MAD1L1: variants seen among roughly 807,000 people sequenced by gnomAD.
The protein encoded by MAD1L1 is mitotic spindle assembly checkpoint protein MAD1.
A neutral mutation model predicts 96.9 loss-of-function variants in MAD1L1; 95 were observed. The ratio of observed to expected loss-of-function variants is 0.98; its 90% CI spans 0.83 to 1.16. The LOEUF is 1.16. Ranked by LOEUF, MAD1L1 falls within the 50% of genes most tolerant of loss-of-function variation. The probability of loss-of-function intolerance (pLI) is 0.00; values close to 1 mark genes in which losing one functional copy is unlikely to be tolerated. For missense variants in MAD1L1, 1,007 were observed against 954.4 expected, an observed-to-expected ratio of 1.06 and a Z score of -0.73; for synonymous variants, 473 against 396.6, an observed-to-expected ratio of 1.19 and a Z score of -2.29.
intron 10 of MAD1L1, among the ~76,000 whole-genome samples, chr7:2,202,936 A>G (rs960381173): frequency 6.6e-6 from 1 of 152,224 alleles, no homozygotes; most frequent in African/African-American, 2.4e-5. Flanking sequence ...TGTCCAGGTC[A>G]GCACTGACAG....
At chr7:2,212,488 C>A (rs958146686) in intron 10 of MAD1L1, among the ~76,000 whole-genome samples, 38 of 152,198 alleles carry the variant, frequency 2.5e-4, no homozygotes, top group Non-Finnish European at 1.0e-4. Flanking sequence ...GGATCCCTCA[C>A]AGCTTGGGTC....
chr7:1,997,028 C>T (rs916429594), intron 14 of MAD1L1, among the ~76,000 whole-genome samples: 10 of 152,246 alleles, frequency 6.6e-5, no homozygotes, highest in Non-Finnish European at 1.2e-4. Flanking sequence ...GCTAATGATA[C>T]GACGATGGCC....
At chr7:2,202,416 A>G (rs1792361774) in intron 10 of MAD1L1, among the ~76,000 whole-genome samples, 2 of 152,208 alleles carry the variant, frequency 1.3e-5, no homozygotes, top group African/African-American at 4.8e-5. Context: ...CTCCAGCTCC[A>G]GGGTCCTGGG....
At chr7:1,920,136 T>C (rs1788685634) in intron 17 of MAD1L1, among the ~76,000 whole-genome samples, 1 of 152,090 alleles carries the variant, frequency 6.6e-6, no homozygotes, top group African/African-American at 2.4e-5. Flanking sequence ...CCTTCCCCAG[T>C]ACATGAGTGC....
intron 14 of MAD1L1, among the ~76,000 whole-genome samples, chr7:1,983,135 C>G (rs972530574): frequency 7.7e-6 from 1 of 130,152 alleles, no homozygotes; most frequent in Non-Finnish European, 1.7e-5. Flanking sequence ...CCCACAGACG[C>G]GCGCGCGCGC....
chr7:1,857,650 C>T (rs1287171011), intron 18 of MAD1L1, among the ~76,000 whole-genome samples: 4 of 152,236 alleles, frequency 2.6e-5, no homozygotes, highest in Admixed American at 2.0e-4. Context: ...AAGGGCTGGG[C>T]CAGCTGGACA....
intron 18 of MAD1L1, among the ~76,000 whole-genome samples, chr7:1,851,563 G>C (rs983371259): frequency 6.6e-6 from 1 of 152,138 alleles, no homozygotes; most frequent in Non-Finnish European, 1.5e-5. Flanking sequence ...GAAAACTCGA[G>C]GAATGCACGA....
chr7:2,009,733 C>A (rs1400893042), intron 13 of MAD1L1, among the ~76,000 whole-genome samples: 4 of 152,212 alleles, frequency 2.6e-5, no homozygotes, highest in Admixed American at 1.3e-4. Flanking sequence ...GACGCCCAGG[C>A]CCTGGGGGAT....
intron 11 of MAD1L1, among the ~76,000 whole-genome samples, chr7:2,135,285 G>A (rs73039214): frequency 0.055 from 8,376 of 152,250 alleles, 319 homozygotes; most frequent in African/African-American, 0.097. Context: ...AGAAGAGACC[G>A]TGGCAGATGG....
At chr7:1,897,752 T>C (rs1562501319) in intron 18 of MAD1L1, among the ~76,000 whole-genome samples, 1 of 152,222 alleles carries the variant, frequency 6.6e-6, no homozygotes, top group East Asian at 1.9e-4. Flanking sequence ...CTAGTCTGTC[T>C]ACCTTGCCCT....
chr7:1,891,729 C>A lies in MAD1L1; in HGVS notation c.1998+6471G>T, dbSNP rs977970504. ...TGGAGTAGCTGGGACGATAAGCAGG[C>A]GCCACCACGCCTGGCTAAGTTTTAA... is the stretch of plus-strand genomic sequence containing the variant. On this transcript the variant is annotated intron_variant, in intron 18 of 18. Transcript: ENST00000265854. 3.3e-5 allele frequency among the ~76,000 whole-genome samples: 5 copies of A among 152,010 alleles called. No homozygotes were observed. The South Asian group carries it at 6.2e-4, about 19-fold the overall frequency.
chr7:2,216,389 G>A (rs989688361), intron 7 of MAD1L1, 102 bp from the exon 8 acceptor site: 14 of 1,199,252 alleles, frequency 1.2e-5, no homozygotes, highest in Admixed American at 2.4e-5. Context: ...GGTCTGCAAC[G>A]GCTATACACA....
intron 14 of MAD1L1, among the ~76,000 whole-genome samples, chr7:2,001,834 CG>C (rs1781808688): frequency 6.6e-6 from 1 of 152,240 alleles, no homozygotes; most frequent in African/African-American, 2.4e-5. Flanking sequence ...GCCACAAACA[CG>C]GTGGTGGGGC....
chr7:1,994,453 C>T (rs1781472210), intron 14 of MAD1L1, among the ~76,000 whole-genome samples: 1 of 152,144 alleles, frequency 6.6e-6, no homozygotes, highest in South Asian at 2.1e-4. Flanking sequence ...GGGGACATCA[C>T]CGTAGGCAGG....
intron 16 of MAD1L1, among the ~76,000 whole-genome samples, chr7:1,943,578 T>C (rs1358975004): frequency 4.6e-5 from 7 of 152,144 alleles, no homozygotes; most frequent in Non-Finnish European, 1.5e-5. Flanking sequence ...GGTATCACTT[T>C]GCGCCCCCAG....
chr7:2,166,990 C>G, intron 10 of MAD1L1, among the ~76,000 whole-genome samples: 1 of 152,334 alleles, frequency 6.6e-6, no homozygotes, highest in Non-Finnish European at 1.5e-5. Context: ...TGGTGGAATC[C>G]CCTTTTACAA....
chr7:2,141,156 C>G (rs1030685834), intron 11 of MAD1L1, among the ~76,000 whole-genome samples: 1 of 152,242 alleles, frequency 6.6e-6, no homozygotes, highest in African/African-American at 2.4e-5. Context: ...CGGGCTCTGC[C>G]TGGGGAGGGA....
chr7:2,062,241 C>T (rs1259587599), intron 12 of MAD1L1, among the ~76,000 whole-genome samples: 1 of 96,986 alleles, frequency 1.0e-5, no homozygotes. Context: ...GACTCCATTT[C>T]AAAAAACAGC....
intron 11 of MAD1L1, among the ~76,000 whole-genome samples, chr7:2,104,594 A>G (rs1179457401): frequency 6.6e-6 from 1 of 152,262 alleles, no homozygotes; most frequent in East Asian, 1.9e-4. Flanking sequence ...CCCTTAAGCC[A>G]GCTCTTCGGT....
Sources: gnomAD v4.1 joint callset for allele counts (sites outside exome capture counted in the v4.1 genomes callset) on GRCh38, gnomAD v4.1.1 for gene constraint, MANE v1.5 for transcripts, NCBI Gene and HGNC (gene_info 2026-07-23, HGNC 2026-07-21) for gene names.